Variants in CCSER2 observed in about 807,000 individuals in gnomAD.
The protein encoded by CCSER2 is serine-rich coiled-coil domain-containing protein 2.
A neutral mutation model predicts 92.3 loss-of-function variants in CCSER2; 46 were observed. The ratio of observed to expected loss-of-function variants is 0.50; its 90% confidence interval spans 0.39 to 0.64. CCSER2 has a LOEUF of 0.64. Ranked by LOEUF, CCSER2 falls within the 30% of genes least tolerant of loss-of-function variation. The pLI is 0.00. For missense variants in CCSER2, 1,244 were observed against 1,238.9 expected, an observed-to-expected ratio of 1.00 and a Z score of -0.06; for synonymous variants, 433 against 431.4, an observed-to-expected ratio of 1.00 and a Z score of -0.04.
At chr10:84,464,842 A>C (rs191606083) in intron 7 of CCSER2, among the ~76,000 whole-genome samples, 1 of 152,158 alleles carries the variant, frequency 6.6e-6, no homozygotes, top group Non-Finnish European at 1.5e-5. Context: ...GATGTGGCAC[A>C]TATCACTTTC....
At chr10:84,478,695 G>A (rs931915052) in intron 9 of CCSER2, among the ~76,000 whole-genome samples, 2 of 152,104 alleles carry the variant, frequency 1.3e-5, no homozygotes, top group Non-Finnish European at 2.9e-5. Flanking sequence ...AGACAAATAA[G>A]GATTCCTCTG....
intron 4 of CCSER2, among the ~76,000 whole-genome samples, chr10:84,423,789 A>G (rs1169128720): frequency 1.3e-5 from 2 of 152,142 alleles, no homozygotes; most frequent in Non-Finnish European, 2.9e-5. Flanking sequence ...AACTGAATCT[A>G]TGAATATAAT....
intron 4 of CCSER2, among the ~76,000 whole-genome samples, chr10:84,419,976 CTT>C (rs1843059048): frequency 6.6e-6 from 1 of 152,136 alleles, no homozygotes; most frequent in Non-Finnish European, 1.5e-5. Context: ...AATAATGAGA[CTT>C]GATGATCTGG....
chr10:84,416,156 C>T (rs1842877773), intron 3 of CCSER2, among the ~76,000 whole-genome samples: 1 of 152,230 alleles, frequency 6.6e-6, no homozygotes, highest in Non-Finnish European at 1.5e-5. Context: ...TGGGATTGCA[C>T]AATCACTCAC....
At chr10:84,341,701 G>A (rs571692121) in intron 1 of CCSER2, among the ~76,000 whole-genome samples, 1 of 152,218 alleles carries the variant, frequency 6.6e-6, no homozygotes, top group African/African-American at 2.4e-5. Flanking sequence ...CATGCTCCAG[G>A]TTGTGACCTG....
chr10:84,513,674 G>A lies in CCSER2; in HGVS notation c.2551G>A (p.Val851Met). Residue 851 changes from valine (V) to methionine (M), a missense_variant, in exon 10 of 10, where the codon GTG becomes ATG. Physicochemically the swap from Val to Met is conservative, Grantham distance 21. Coordinates refer to ENST00000372088, the MANE Select transcript of CCSER2 (RefSeq NM_001284240.2). ...FSSGPQLTMDVAKSTPSEANL... is the reference protein window; with the variant it reads ...FSSGPQLTMDMAKSTPSEANL... ...ATCAGGCCCACAATTAACAATGGATGTGGCTAAGAGTACACCTTCTGAAGC... is the reference window on the plus strand; with the variant it reads ...ATCAGGCCCACAATTAACAATGGATATGGCTAAGAGTACACCTTCTGAAGC... The A allele has an allele frequency of 1.9e-6, 3 of 1,555,706 alleles. No individual in the cohort carries two copies. Among genetic ancestry groups the A allele is most frequent in the Non-Finnish European group, 2.6e-6 (3 of 1,154,106 alleles).
chr10:84,465,081 T>A (rs868223770), intron 7 of CCSER2, among the ~76,000 whole-genome samples: 3 of 151,952 alleles, frequency 2.0e-5, no homozygotes, highest in Admixed American at 6.6e-5. Context: ...ACTCTCAGTA[T>A]AATACATTAA....
chr10:84,450,688 A>T (rs548240838), intron 6 of CCSER2, among the ~76,000 whole-genome samples: 13 of 152,318 alleles, frequency 8.5e-5, no homozygotes, highest in African/African-American at 2.6e-4. Flanking sequence ...TTTTATTTTT[A>T]AAAACCTGAG....
At chr10:84,383,745 A>G (rs1841043178) in intron 3 of CCSER2, among the ~76,000 whole-genome samples, 1 of 152,220 alleles carries the variant, frequency 6.6e-6, no homozygotes. Context: ...AACTCTGGTG[A>G]GATCATATTG....
chr10:84,449,088 A>T (rs1845105779), intron 6 of CCSER2, among the ~76,000 whole-genome samples: 1 of 152,208 alleles, frequency 6.6e-6, no homozygotes, highest in Non-Finnish European at 1.5e-5. Context: ...AATTAAGAAA[A>T]ATCAGGCCAG....
intron 6 of CCSER2, among the ~76,000 whole-genome samples, chr10:84,450,850 G>A (rs1035270154): frequency 5.9e-5 from 9 of 152,138 alleles, no homozygotes; most frequent in African/African-American, 1.9e-4. Context: ...GTTGCAAAGG[G>A]TAACAAATTA....
chr10:84,514,480 C>G lies in CCSER2; in HGVS notation c.*213C>G. 1 of 534,802 alleles carries G rather than the reference C, an allele frequency of 1.9e-6. No individual in the cohort carries two copies. Among genetic ancestry groups the G allele is most frequent in the Non-Finnish European group, 3.3e-6 (1 of 305,380 alleles). The allele number at this position is 534,802 out of a possible 1,614,324, so 33.1% of individuals were successfully genotyped here. The stretch of plus-strand genomic sequence containing the variant: ...TGAGCATAATTATCTCAGGTAAACA[C>G]GAAAGTTTGCTTACCCATTTCAGAG... On this transcript the variant is annotated 3_prime_UTR_variant, in exon 10 of 10. Coordinates refer to ENST00000372088, the MANE Select transcript of CCSER2 (RefSeq NM_001284240.2).
Position 84,515,838 on chromosome 10 carries a change from G to A in CCSER2, c.*1571G>A, listed in dbSNP as rs879486004. On this transcript the variant is annotated 3_prime_UTR_variant, in exon 10 of 10. Coordinates refer to ENST00000372088, the MANE Select transcript of CCSER2 (RefSeq NM_001284240.2). The stretch of plus-strand genomic sequence containing the variant: ...ATTCTTATTTTAATACGCTGTAGAA[G>A]GTAGGTGTGGAACCTCCATGCTACC... 5.3e-5 allele frequency: 8 copies of A among 152,118 alleles called. No individual in the cohort carries two copies. Among genetic ancestry groups the A allele is most frequent in the African/African-American group, 9.7e-5 (4 of 41,418 alleles). 9.4% of individuals were successfully genotyped at this position (152,118 alleles called of 1,614,324 possible).
At chr10:84,432,402 C>T (rs538453444) in intron 5 of CCSER2, among the ~76,000 whole-genome samples, 308 of 152,310 alleles carry the variant, frequency 2.0e-3, no homozygotes, top group Non-Finnish European at 3.6e-3. Context: ...GCCCTTGCTC[C>T]TCTTTCCCTC....
At chr10:84,480,267 T>C (rs1423827977) in intron 9 of CCSER2, among the ~76,000 whole-genome samples, 1 of 151,864 alleles carries the variant, frequency 6.6e-6, no homozygotes, top group African/African-American at 2.4e-5. Flanking sequence ...AGGTGATCTT[T>C]TTGCCTCAGC....
chr10:84,406,562 G>C (rs1267012241), intron 3 of CCSER2, among the ~76,000 whole-genome samples: 2 of 152,122 alleles, frequency 1.3e-5, no homozygotes, highest in African/African-American at 4.8e-5. Context: ...TGGTAAACCT[G>C]CTCATATGTG....
intron 5 of CCSER2, among the ~76,000 whole-genome samples, chr10:84,428,514 C>T (rs570360826): frequency 6.6e-6 from 1 of 152,252 alleles, no homozygotes; most frequent in Non-Finnish European, 1.5e-5. Flanking sequence ...GGGGCTTGGG[C>T]ACCCCAGCTG....
intron 9 of CCSER2, among the ~76,000 whole-genome samples, chr10:84,477,913 C>T (rs992996388): frequency 6.6e-6 from 1 of 152,080 alleles, no homozygotes; most frequent in Non-Finnish European, 1.5e-5. Flanking sequence ...ATTTTATTTG[C>T]GTGTCTACTC....
intron 8 of CCSER2, among the ~76,000 whole-genome samples, chr10:84,471,897 A>C (rs925747968): frequency 2.6e-5 from 4 of 152,118 alleles, no homozygotes; most frequent in Admixed American, 2.6e-4. Flanking sequence ...GAACATAAGG[A>C]ATATGCTGAA....
Sources: allele counts gnomAD v4.1 joint callset (sites outside exome capture counted in the v4.1 genomes callset), GRCh38; gene constraint gnomAD v4.1.1; transcripts MANE v1.5; gene names NCBI Gene and HGNC (gene_info 2026-07-23, HGNC 2026-07-21).